Variants in CACNA1B observed in about 807,000 individuals in gnomAD.
CACNA1B encodes calcium voltage-gated channel subunit alpha1 B.
CACNA1B carries 70 observed loss-of-function variants against 247.2 expected under a neutral mutation model. The ratio of observed to expected loss-of-function variants is 0.28; its 90% CI spans 0.23 to 0.35. The LOEUF (loss-of-function observed/expected upper bound fraction) is 0.35. Among genes scored for constraint, CACNA1B ranks in the 10% least tolerant of loss-of-function variants. The pLI, the probability that CACNA1B is intolerant of heterozygous loss-of-function variation, is 1.00. For synonymous variants in CACNA1B, 1,231 were observed against 1,294.4 expected, an observed-to-expected ratio of 0.95 and a Z score of 1.05; for missense variants, 2,367 against 3,197.4, an observed-to-expected ratio of 0.74 and a Z score of 6.26.
Position 138,020,289 on chromosome 9 carries a change from C to A in CACNA1B, c.2268-2722C>A, listed in dbSNP as rs1958828407. 6.6e-6 allele frequency among the ~76,000 whole-genome samples: 1 copy of A among 152,134 alleles called. No individual in the cohort carries two copies. The highest frequency in any genetic ancestry group is 2.4e-5 in the African/African-American group (1 of 41,422). On this transcript the variant is annotated intron_variant, in intron 18 of 46. Transcript: ENST00000371372. The surrounding 1 kb of genome is among the most constrained non-coding windows in gnomAD (Gnocchi z 4.1). ...AGCTGAGCATGGCTGAGCCCTCCTC[C>A]CTGGAACAGCTGGGTTGTGCCTACC...
chr9:138,102,538 A>G lies in CACNA1B; in HGVS notation c.5223-173A>G, dbSNP rs1054030625. On this transcript the variant is annotated intron_variant, in intron 37 of 46. Transcript: ENST00000371372. The surrounding 1 kb of genome is among the most constrained non-coding windows in gnomAD (Gnocchi z 5.4). ...GTCAAGCCAAGCAGAGAAATCCCTC[A>G]TTTTATTTATTTTGATTTTGGGCTT... Among the ~76,000 whole-genome samples, 4 of 151,714 alleles carry G rather than the reference A, an allele frequency of 2.6e-5. No homozygotes were observed. The highest frequency in any genetic ancestry group is 5.9e-5 in the Non-Finnish European group (4 of 67,930).
rs1959313210 is a variant in CACNA1B, at chr9:138,052,241, T to TGTGTGC, written c.3807+58_3807+59insCGTGTG. ...GATGTGCTGTGTGTGTGTGCGTGTG[T>TGTGTGC]GTGTGTGCGTGTGTGTGTGTGTATG... is the stretch of plus-strand genomic sequence containing the variant. On this transcript the variant is annotated intron_variant, in intron 25 of 46. Transcript: ENST00000371372. The surrounding 1 kb of genome is among the most constrained non-coding windows in gnomAD (Gnocchi z 5.1). 1.7e-4 allele frequency: 145 copies of TGTGTGC among 840,992 alleles called. No homozygotes were observed. Among genetic ancestry groups the TGTGTGC allele is most frequent in the African/African-American group, 4.6e-4 (20 of 43,664 alleles). The allele number at this position is 840,992 out of a possible 1,614,324, so 52.1% of individuals were successfully genotyped here.
rs573013833 is a variant in CACNA1B, at chr9:138,121,818, T to C, written c.6839T>C (p.Phe2280Ser). ...GCCCTGCCTGAGGACACTCTCACTT[T>C]CGAGGAGGCTGTGGCCACCAACTCG... ...VHALPEDTLTFEEAVATNSGR... is the reference protein window; with the variant it reads ...VHALPEDTLTSEEAVATNSGR... The change falls in exon 47 of 47, where the codon TTC (phenylalanine) becomes TCC (serine). Residue 2280 changes from phenylalanine (F) to serine (S), a missense_variant. By Grantham distance (155) the Phe-to-Ser change is radical (BLOSUM62 -2). Transcript: ENST00000371372. This position sits in a 1 kb window ranked among gnomAD's most constrained non-coding sequence, Gnocchi z 6.8. 3 of 1,613,336 alleles carry C rather than the reference T, an allele frequency of 1.9e-6. No individual in the cohort carries two copies. The highest frequency in any genetic ancestry group is 2.2e-5 in the East Asian group (1 of 44,874).
rs1010812156 is a variant in CACNA1B at position 138,052,763 on chromosome 9, C to T, written c.3807+575C>T. On this transcript the variant is annotated intron_variant, in intron 25 of 46. Coordinates refer to ENST00000371372, the MANE Select transcript of CACNA1B (RefSeq NM_000718.4). This position sits in a 1 kb window ranked among gnomAD's most constrained non-coding sequence, Gnocchi z 5.1. Reference sequence around the variant, plus strand: ...CTTAGAGAAGAAAGTTTGTTTAGAACCTGTATGTGAAGGAGTGGGCTGGCA... The same window carrying T: ...CTTAGAGAAGAAAGTTTGTTTAGAATCTGTATGTGAAGGAGTGGGCTGGCA... 6.6e-6 allele frequency among the ~76,000 whole-genome samples: 1 copy of T among 152,194 alleles called. No individual in the cohort carries two copies. The highest frequency in any genetic ancestry group is 2.4e-5 in the African/African-American group (1 of 41,446).
chr9:137,958,698 G>A lies in CACNA1B; in HGVS notation c.1333+1011G>A, dbSNP rs73669808. On this transcript the variant is annotated intron_variant, in intron 10 of 46. Coordinates refer to ENST00000371372, the MANE Select transcript of CACNA1B (RefSeq NM_000718.4). The stretch of plus-strand genomic sequence containing the variant: ...GGGCAGATTCCCAGGAGCAGGTGCT[G>A]AGGGTAAGGGTGTGGTACTGTTCAG... Among the ~76,000 whole-genome samples the A allele has an allele frequency of 2.3e-3, 348 of 152,330 alleles. 3 individuals are homozygous for A. Among genetic ancestry groups the A allele is most frequent in the African/African-American group, 8.1e-3 (335 of 41,568 alleles).
chr9:138,097,383 A>G (rs1961089867), intron 37 of CACNA1B, among the ~76,000 whole-genome samples: 1 of 152,156 alleles, frequency 6.6e-6, no homozygotes, highest in Admixed American at 6.5e-5. Flanking sequence ...GCATCTCAGC[A>G]GGGCTGAGAG....
intron 13 of CACNA1B, among the ~76,000 whole-genome samples, chr9:137,984,508 C>T (rs1434976315): frequency 1.3e-5 from 2 of 152,248 alleles, no homozygotes; most frequent in Non-Finnish European, 2.9e-5. Context: ...GATTTCCCAT[C>T]GTCTCCTGTC....
intron 3 of CACNA1B, among the ~76,000 whole-genome samples, chr9:137,902,549 G>T (rs1055092314): frequency 2.6e-5 from 4 of 152,086 alleles, no homozygotes; most frequent in African/African-American, 9.7e-5. Context: ...CCTCAAAGTT[G>T]TTTTATTTAG....
chr9:138,049,750 G>A (rs916615006), intron 24 of CACNA1B, among the ~76,000 whole-genome samples: 4 of 152,314 alleles, frequency 2.6e-5, no homozygotes, highest in Middle Eastern at 3.4e-3. Flanking sequence ...TGGTGCTTTC[G>A]CCCAAGGCAG....
At chr9:137,883,314 C>G (rs1956955361) in intron 3 of CACNA1B, among the ~76,000 whole-genome samples, 1 of 151,822 alleles carries the variant, frequency 6.6e-6, no homozygotes, top group Non-Finnish European at 1.5e-5. Context: ...AATTCTGTGC[C>G]TGCCTGAGAC....
intron 3 of CACNA1B, among the ~76,000 whole-genome samples, chr9:137,902,883 A>T (rs984652298): frequency 2.0e-5 from 3 of 152,206 alleles, no homozygotes; most frequent in African/African-American, 7.2e-5. Flanking sequence ...ATGTCCCGGC[A>T]ACCCCCACTG....
At chr9:137,988,628 G>C (rs1459748429) in intron 15 of CACNA1B, among the ~76,000 whole-genome samples, 4 of 152,214 alleles carry the variant, frequency 2.6e-5, no homozygotes, top group Non-Finnish European at 5.9e-5. Flanking sequence ...CAAAATCTCT[G>C]AGGAATAGAA....
chr9:138,094,721 T>C (rs375944663), intron 36 of CACNA1B, among the ~76,000 whole-genome samples: 174 of 152,320 alleles, frequency 1.1e-3, no homozygotes, highest in African/African-American at 4.0e-3. Flanking sequence ...AATGTGGTAC[T>C]GGCATAAAGA....
chr9:137,911,590 A>T (rs1957360429), intron 3 of CACNA1B, among the ~76,000 whole-genome samples: 2 of 150,474 alleles, frequency 1.3e-5, no homozygotes, highest in Non-Finnish European at 3.0e-5. Flanking sequence ...TAGTTTTTGT[A>T]TTTTTTTTTG....
At chr9:137,909,037 C>T (rs1236527800) in intron 3 of CACNA1B, among the ~76,000 whole-genome samples, 2 of 149,264 alleles carry the variant, frequency 1.3e-5, no homozygotes, top group African/African-American at 5.0e-5. Flanking sequence ...GTTGCCCAGG[C>T]TGGAGTGCAA....
At chr9:137,935,958 G>T (rs189423591) in intron 6 of CACNA1B, among the ~76,000 whole-genome samples, 3 of 152,186 alleles carry the variant, frequency 2.0e-5, no homozygotes, top group Non-Finnish European at 4.4e-5. Flanking sequence ...CTGGGTTCAC[G>T]CCATTCTCCT....
intron 15 of CACNA1B, among the ~76,000 whole-genome samples, chr9:137,991,481 A>T (rs565499232): frequency 6.6e-6 from 1 of 152,400 alleles, no homozygotes; most frequent in African/African-American, 2.4e-5. Context: ...GAAATCTAAA[A>T]GTTAGGAAAA....
In CACNA1B at chr9:138,006,197, G is replaced by A. The variant is rs149145778; in HGVS notation, c.1975-570G>A. Reference sequence around the variant, plus strand: ...GGGGCAAAATTTCCATTTTGGGTGGGGGACACATGAGTGTTTATTATTTTA... The same window carrying A: ...GGGGCAAAATTTCCATTTTGGGTGGAGGACACATGAGTGTTTATTATTTTA... On this transcript the variant is annotated intron_variant, in intron 15 of 46. Transcript: ENST00000371372. Among the ~76,000 whole-genome samples, 50 of 152,188 alleles carry A rather than the reference G, an allele frequency of 3.3e-4. No homozygotes were observed. The East Asian group carries it at 9.5e-3, about 29-fold the overall frequency.
intron 10 of CACNA1B, among the ~76,000 whole-genome samples, chr9:137,964,148 G>A (rs971124192): frequency 6.6e-5 from 10 of 152,168 alleles, no homozygotes; most frequent in Non-Finnish European, 1.3e-4. Flanking sequence ...CAACCTTAGA[G>A]AGTCTGATGA....
Sources: allele counts gnomAD v4.1 joint callset (sites outside exome capture counted in the v4.1 genomes callset), GRCh38; gene constraint gnomAD v4.1.1; non-coding constraint Gnocchi (gnomAD v3.1); transcripts MANE v1.5; gene names NCBI Gene and HGNC (gene_info 2026-07-23, HGNC 2026-07-21).